The following INPP1 variants were observed in gnomAD, a reference collection of about 807,000 sequenced individuals.
INPP1 encodes the protein inositol polyphosphate 1-phosphatase.
INPP1 carries 18 observed loss-of-function variants against 23.0 expected under a neutral mutation model. The observed-to-expected ratio is 0.78, with a 90% CI of 0.54 to 1.16. INPP1 has a LOEUF of 1.16. INPP1 is among the 50% of genes most tolerant of loss of function. The pLI is 0.00. For missense variants in INPP1, 448 were observed against 482.1 expected (o/e 0.93, Z 0.66); for synonymous variants, 164 against 176.3 (o/e 0.93, Z 0.55).
In INPP1 at chr2:190,371,007, A is replaced by G. The variant is rs1309205570; in HGVS notation, c.805A>G (p.Lys269Glu). The change falls in exon 7 of 7, where the codon AAG becomes GAG. Residue 269 changes from lysine to glutamate, a missense_variant. Physicochemically the swap from Lys to Glu is moderately conservative, Grantham distance 56. Transcript: ENST00000392329. This position sits in a 1 kb window ranked among gnomAD's most constrained non-coding sequence, Gnocchi z 5.3. Reference sequence around the variant, plus strand: ...TTCAGCCGTAATTAGTACAAGTGAAAAGGAGACTATCAAAGCTGCATTGTC... The same window carrying G: ...TTCAGCCGTAATTAGTACAAGTGAAGAGGAGACTATCAAAGCTGCATTGTC... ...SFSAVISTSE[K>E]ETIKAALSRV... 6.2e-7 allele frequency: 1 copy of G among 1,614,084 alleles called. No homozygotes were observed. Among genetic ancestry groups the G allele is most frequent in the East Asian group, 2.2e-5 (1 of 44,902 alleles).
At chr2:190,357,165 A>C (rs1293191629) in intron 2 of INPP1, among the ~76,000 whole-genome samples, 1 of 152,150 alleles carries the variant, frequency 6.6e-6, no homozygotes, top group African/African-American at 2.4e-5. Context: ...TTTTCACTAG[A>C]TCTTTTCTAT....
Position 190,369,149 on chromosome 2 carries a change from C to G in INPP1, c.513C>G (p.Asn171Lys). Residue 171 changes from asparagine (N) to lysine (K), a missense_variant, in exon 6 of 7, where the codon AAC becomes AAG. Asn to Lys is a moderately conservative substitution (Grantham distance 94). Coordinates refer to ENST00000392329, the MANE Select transcript of INPP1 (RefSeq NM_001128928.2). ...AAGGTTCTGCTGACATTAAATCCAA[C>G]CAGGGAATCTTCCCCTGTGGACTTC... The part of the protein sequence containing the change: ...YIKGSADIKS[N>K]QGIFPCGLQC... 6.2e-7 allele frequency: 1 copy of G among 1,606,446 alleles called. No individual in the cohort carries two copies. The highest frequency in any genetic ancestry group is 1.1e-5 in the South Asian group (1 of 90,060).
chr2:190,346,511 C>A lies in INPP1; in HGVS notation c.-208-2377C>A, dbSNP rs527648170. Among the ~76,000 whole-genome samples, 10 of 152,230 alleles carry A rather than the reference C, an allele frequency of 6.6e-5. No homozygotes were observed. In the East Asian group the frequency reaches 1.9e-3, roughly 29 times the overall value. On this transcript the variant is annotated intron_variant, in intron 1 of 6. Coordinates refer to ENST00000392329, the MANE Select transcript of INPP1 (RefSeq NM_001128928.2). This position sits in a 1 kb window ranked among gnomAD's most constrained non-coding sequence, Gnocchi z 5.1. ...GTGGTATGTAATGTTAATTCAATTT[C>A]TTGAATGTGATAAGAGCATTTTATT... is the stretch of plus-strand genomic sequence containing the variant.
At chr2:190,353,546 A>G (rs966022635) in intron 2 of INPP1, among the ~76,000 whole-genome samples, 11 of 152,194 alleles carry the variant, frequency 7.2e-5, no homozygotes, top group African/African-American at 2.7e-4. Flanking sequence ...AGTCATAGCT[A>G]TCATTTATTA....
intron 2 of INPP1, among the ~76,000 whole-genome samples, chr2:190,357,561 A>G (rs768782656): frequency 3.9e-5 from 6 of 152,178 alleles, no homozygotes; most frequent in Non-Finnish European, 8.8e-5. Flanking sequence ...TTCTTCAAAA[A>G]CATGATTTTA....
In INPP1 at chr2:190,354,786, T is replaced by G. The variant is rs116011006; in HGVS notation, c.-64-5253T>G. Reference sequence around the variant, plus strand: ...CAGTTAAGGGAGACATCAGTGGAACTTAATAGATGAGCTTTTACTACCCAG... The same window carrying G: ...CAGTTAAGGGAGACATCAGTGGAACGTAATAGATGAGCTTTTACTACCCAG... On this transcript the variant is annotated intron_variant, in intron 2 of 6. Transcript: ENST00000392329. This position sits in a 1 kb window ranked among gnomAD's most constrained non-coding sequence, Gnocchi z 4.8. 6.6e-3 allele frequency among the ~76,000 whole-genome samples: 1,010 copies of G among 152,310 alleles called. 13 individuals carry two copies. Among genetic ancestry groups the G allele is most frequent in the African/African-American group, 0.022 (917 of 41,572 alleles).
chr2:190,344,015 C>T, intron 1 of INPP1, 54 bp downstream of exon 1: 1 of 335,038 alleles, frequency 3.0e-6, no homozygotes, highest in Non-Finnish European at 6.2e-6. Flanking sequence ...CGCCGCTGCC[C>T]CTCCTCCTTG....
At chr2:190,347,206 T>A (rs1345066711) in intron 1 of INPP1, among the ~76,000 whole-genome samples, 1 of 151,708 alleles carries the variant, frequency 6.6e-6, no homozygotes, top group African/African-American at 2.4e-5. Flanking sequence ...AGAGATGGGG[T>A]TTCACAGTGT....
chr2:190,358,148 C>G (rs1030428016), intron 2 of INPP1, among the ~76,000 whole-genome samples: 2 of 146,354 alleles, frequency 1.4e-5, no homozygotes, highest in African/African-American at 5.0e-5. Flanking sequence ...GGCGTAATCT[C>G]GGCTCACTGC....
At chr2:190,362,876 T>C (rs747011580) in intron 4 of INPP1, 189 bp downstream of exon 4, 39 of 398,860 alleles carry the variant, frequency 9.8e-5, no homozygotes, top group Non-Finnish European at 1.6e-4. Context: ...AGAGATGTGG[T>C]ATCTTAGAAT....
At chr2:190,344,043 G>A in intron 1 of INPP1, 82 bp downstream of exon 1, 1 of 330,968 alleles carries the variant, frequency 3.0e-6, no homozygotes, top group South Asian at 2.2e-5. Flanking sequence ...GGCCCGGGCT[G>A]GTGAGCGGCG....
rs746534545 is a variant in INPP1 at position 190,367,139 on chromosome 2, A to C, written c.466+244A>C. Reference sequence around the variant, plus strand: ...CTATAACAGGTGTGTGTATATACACACACATACATACAGGCACACATGCAA... The same window carrying C: ...CTATAACAGGTGTGTGTATATACACCCACATACATACAGGCACACATGCAA... On this transcript the variant is annotated intron_variant, in intron 5 of 6. Coordinates refer to ENST00000392329, the MANE Select transcript of INPP1 (RefSeq NM_001128928.2). The surrounding 1 kb of genome is among the most constrained non-coding windows in gnomAD (Gnocchi z 4.1). 3.9e-5 allele frequency among the ~76,000 whole-genome samples: 6 copies of C among 152,188 alleles called. No individual in the cohort carries two copies. Among genetic ancestry groups the C allele is most frequent in the Non-Finnish European group, 7.3e-5 (5 of 68,044 alleles).
intron 6 of INPP1, 45 bp downstream of exon 6, chr2:190,369,322 C>T (rs1415236805): frequency 7.3e-6 from 8 of 1,101,090 alleles, no homozygotes; most frequent in South Asian, 5.3e-5. Flanking sequence ...TTAGAACTTA[C>T]GACCTCAGCT....
chr2:190,360,109 G>C lies in INPP1; in HGVS notation c.7G>C (p.Asp3His), dbSNP rs1689505340. The C allele has an allele frequency of 3.1e-6, 5 of 1,612,822 alleles. No individual in the cohort carries two copies. Among genetic ancestry groups the C allele is most frequent in the African/African-American group, 1.3e-5 (1 of 74,900 alleles). Residue 3 changes from aspartate to histidine, a missense_variant, in exon 3 of 7, where the codon GAT (aspartate) becomes CAT (histidine). By Grantham distance (81) the Asp-to-His change is moderately conservative (BLOSUM62 -1). Coordinates refer to ENST00000392329, the MANE Select transcript of INPP1 (RefSeq NM_001128928.2). ...TGAAAAGCAAGGTTCAGAAATGTCA[G>C]ATATCCTCCGGGAGCTGCTCTGTGT... Reference protein sequence around the residue: MSDILRELLCVSE... With the variant: MSHILRELLCVSE...
intron 4 of INPP1, among the ~76,000 whole-genome samples, chr2:190,366,312 ACT>A (rs748895776): frequency 7.0e-5 from 4 of 57,454 alleles, no homozygotes; most frequent in Admixed American, 1.6e-4. Flanking sequence ...GCTCTGTCTC[ACT>A]CTCTCTGTCT....
rs143442940 is a variant in INPP1, at chr2:190,346,204, G to A, written c.-209+2243G>A. ...CTGGATCAGAATTTCTAAGAGAAAG[G>A]AGATATTTCAAATAGACAAAAATGA... On this transcript the variant is annotated intron_variant, in intron 1 of 6. Coordinates refer to ENST00000392329, the MANE Select transcript of INPP1 (RefSeq NM_001128928.2). The surrounding 1 kb of genome is among the most constrained non-coding windows in gnomAD (Gnocchi z 5.1). Among the ~76,000 whole-genome samples the A allele has an allele frequency of 2.9e-4, 44 of 152,170 alleles. No homozygotes were observed. The highest frequency in any genetic ancestry group is 5.6e-4 in the Non-Finnish European group (38 of 67,998).
intron 4 of INPP1, 104 bp from the exon 5 acceptor site, chr2:190,366,591 C>A: frequency 1.2e-6 from 1 of 824,894 alleles, no homozygotes; most frequent in Non-Finnish European, 2.0e-6. Flanking sequence ...CTCTGTCTCT[C>A]TCTCTCGCTC....
rs1040836137 is a variant in INPP1, at chr2:190,352,790, C to T, written c.-65+3759C>T. ...GCCACCTACACAGACTCCTGGACAG[C>T]TGTACCCCCTTGGAAAAGGTCATGA... is the stretch of plus-strand genomic sequence containing the variant. On this transcript the variant is annotated intron_variant, in intron 2 of 6. Transcript: ENST00000392329. This position sits in a 1 kb window ranked among gnomAD's most constrained non-coding sequence, Gnocchi z 4.7. Among the ~76,000 whole-genome samples, 13 of 152,220 alleles carry T rather than the reference C, an allele frequency of 8.5e-5. No homozygotes were observed. Among genetic ancestry groups the T allele is most frequent in the Admixed American group, 3.9e-4 (6 of 15,286 alleles).
chr2:190,362,478 T>A (rs1689553530), intron 3 of INPP1, 149 bp from the exon 4 acceptor site: 1 of 502,034 alleles, frequency 2.0e-6, no homozygotes, highest in Non-Finnish European at 3.6e-6. Flanking sequence ...TTCGTTTTTT[T>A]ATACTTGGAT....
Sources: gnomAD v4.1 joint callset for allele counts (sites outside exome capture counted in the v4.1 genomes callset) on GRCh38, gnomAD v4.1.1 for gene constraint, Gnocchi (gnomAD v3.1) non-coding constraint, MANE v1.5 for transcripts, NCBI Gene and HGNC (gene_info 2026-07-23, HGNC 2026-07-21) for gene names.